HPSE2: variants seen among roughly 807,000 people sequenced by gnomAD.
HPSE2 encodes the protein heparanase 2 (inactive), also known as inactive heparanase-2.
In HPSE2, 38 loss-of-function variants were observed where a neutral mutation model predicts 60.5. The ratio of observed to expected loss-of-function variants is 0.63; its 90% CI spans 0.48 to 0.82. The LOEUF is 0.82. HPSE2 is among the 40% of genes least tolerant of loss of function. The pLI, the probability that HPSE2 is intolerant of heterozygous loss-of-function variation, is 0.00. For missense variants in HPSE2, 713 were observed against 740.4 expected, an observed-to-expected ratio of 0.96 and a Z score of 0.43; for synonymous variants, 295 against 293.2, an observed-to-expected ratio of 1.01 and a Z score of -0.06.
chr10:98,868,991 C>A (rs2134819611), intron 3 of HPSE2, among the ~76,000 whole-genome samples: 1 of 151,712 alleles, frequency 6.6e-6, no homozygotes, highest in South Asian at 2.1e-4. Context: ...TTGTGGTGCC[C>A]AATTGCATGT....
chr10:98,670,375 G>T (rs1255400055), intron 6 of HPSE2, among the ~76,000 whole-genome samples: 1 of 152,222 alleles, frequency 6.6e-6, no homozygotes, highest in Non-Finnish European at 1.5e-5. Context: ...GAATTTTGCT[G>T]ATCCAGGTTT....
At chr10:99,129,188 G>A (rs1845284178) in intron 3 of HPSE2, among the ~76,000 whole-genome samples, 1 of 152,034 alleles carries the variant, frequency 6.6e-6, no homozygotes, top group Non-Finnish European at 1.5e-5. Flanking sequence ...AATAATGGTG[G>A]GGGACTTCAA....
At chr10:98,980,958 T>A (rs1038458774) in intron 3 of HPSE2, among the ~76,000 whole-genome samples, 2 of 152,174 alleles carry the variant, frequency 1.3e-5, no homozygotes, top group Admixed American at 1.3e-4. Flanking sequence ...TATGATAAGA[T>A]ATTATAATAA....
intron 2 of HPSE2, among the ~76,000 whole-genome samples, chr10:99,191,364 T>C (rs1008951176): frequency 2.6e-5 from 4 of 151,548 alleles, no homozygotes; most frequent in Non-Finnish European, 5.9e-5. Flanking sequence ...GTGGTGAACA[T>C]AGTGGTGCTT....
the HPSE2 span, among the ~76,000 whole-genome samples, chr10:99,285,983 T>C: frequency 6.6e-6 from 1 of 152,152 alleles, no homozygotes; most frequent in Non-Finnish European, 1.5e-5. Flanking sequence ...TTCCAATCAT[T>C]AGTCATTAGG....
intron 3 of HPSE2, among the ~76,000 whole-genome samples, chr10:99,100,135 G>C (rs997602314): frequency 7.2e-5 from 11 of 152,228 alleles, no homozygotes; most frequent in Admixed American, 7.2e-4. Context: ...GAACAAAGCT[G>C]GGTGGAGAAT....
At chr10:99,081,918 G>C (rs1364425912) in intron 3 of HPSE2, among the ~76,000 whole-genome samples, 2 of 152,146 alleles carry the variant, frequency 1.3e-5, no homozygotes, top group Non-Finnish European at 1.5e-5. Flanking sequence ...TTACAGGCGT[G>C]AGCCACCCCG....
At chr10:99,231,752 G>A (rs896314025) in intron 2 of HPSE2, among the ~76,000 whole-genome samples, 2 of 152,060 alleles carry the variant, frequency 1.3e-5, no homozygotes, top group Non-Finnish European at 2.9e-5. Flanking sequence ...ACTAACTGTG[G>A]AGATTTCCAA....
chr10:99,214,362 T>C (rs929769457), intron 2 of HPSE2, among the ~76,000 whole-genome samples: 2 of 152,184 alleles, frequency 1.3e-5, no homozygotes, highest in South Asian at 2.1e-4. Flanking sequence ...TGGTATATAC[T>C]CAAGAGAAGG....
In HPSE2 at chr10:99,121,576, G is replaced by A. The variant is rs577192017; in HGVS notation, c.610+22662C>T. Among the ~76,000 whole-genome samples, 142 of 151,958 alleles carry A rather than the reference G, an allele frequency of 9.3e-4. 4 individuals carry two copies. In the South Asian group the frequency reaches 0.027, roughly 29 times the overall value. ...TGTAAAAAGACAGTTACCTTCACTCGCAGTCAATGAAATAAAATTACAAAC... is the reference window on the plus strand; with the variant it reads ...TGTAAAAAGACAGTTACCTTCACTCACAGTCAATGAAATAAAATTACAAAC... On this transcript the variant is annotated intron_variant, in intron 3 of 11. Coordinates refer to ENST00000370552, the MANE Select transcript of HPSE2 (RefSeq NM_021828.5).
intron 3 of HPSE2, among the ~76,000 whole-genome samples, chr10:98,950,761 A>G (rs1272492615): frequency 6.6e-6 from 1 of 152,194 alleles, no homozygotes; most frequent in African/African-American, 2.4e-5. Flanking sequence ...TTCCCATCTC[A>G]AATAACTCAT....
chr10:99,034,990 G>C (rs1957578561), intron 3 of HPSE2, among the ~76,000 whole-genome samples: 1 of 152,190 alleles, frequency 6.6e-6, no homozygotes, highest in African/African-American at 2.4e-5. Flanking sequence ...GAGTGTGTCA[G>C]TGAGTGAGTG....
intron 2 of HPSE2, among the ~76,000 whole-genome samples, chr10:99,203,552 G>A (rs1406506180): frequency 6.6e-6 from 1 of 150,838 alleles, no homozygotes; most frequent in African/African-American, 2.4e-5. Flanking sequence ...CCAGAATTCA[G>A]TACTGCTCAA....
intron 2 of HPSE2, among the ~76,000 whole-genome samples, chr10:99,224,420 GACACACAC>G (rs34148639): frequency 7.0e-6 from 1 of 143,590 alleles, no homozygotes; most frequent in African/African-American, 2.5e-5. Context: ...CTTTCTCTCT[GACACACAC>G]ACACACACAC....
rs145100650 is a variant in HPSE2, at chr10:98,685,577, T to C, written c.1004+8323A>G. On this transcript the variant is annotated intron_variant, in intron 6 of 11. Coordinates refer to ENST00000370552, the MANE Select transcript of HPSE2 (RefSeq NM_021828.5). ...TCATCCATGTTGTGGCACATATCAT[T>C]AGTTTATTTCTTTATCTTGCTGAGT... is the stretch of plus-strand genomic sequence containing the variant. Among the ~76,000 whole-genome samples, 324 of 152,342 alleles carry C rather than the reference T, an allele frequency of 2.1e-3. 3 individuals carry two copies. Among genetic ancestry groups the C allele is most frequent in the African/African-American group, 7.4e-3 (306 of 41,588 alleles).
At chr10:99,117,208 ATAAAT>A (rs1463518350) in intron 3 of HPSE2, among the ~76,000 whole-genome samples, 4 of 151,408 alleles carry the variant, frequency 2.6e-5, no homozygotes, top group Admixed American at 6.6e-5. Context: ...TAATTAATTA[ATAAAT>A]TAAATTAATC....
At chr10:98,801,479 CT>C (rs1950905805) in intron 3 of HPSE2, among the ~76,000 whole-genome samples, 1 of 151,890 alleles carries the variant, frequency 6.6e-6, no homozygotes. Flanking sequence ...CATCAAAAAA[CT>C]ATCTAAATGA....
chr10:98,543,076 G>C (rs1943530564), intron 9 of HPSE2, among the ~76,000 whole-genome samples: 1 of 152,136 alleles, frequency 6.6e-6, no homozygotes, highest in South Asian at 2.1e-4. Flanking sequence ...GGCAGCCAGA[G>C]AGAAAGGTCG....
At chr10:99,093,151 C>G (rs1315784116) in intron 3 of HPSE2, among the ~76,000 whole-genome samples, 1 of 151,912 alleles carries the variant, frequency 6.6e-6, no homozygotes, top group African/African-American at 2.4e-5. Flanking sequence ...TCACTTGAAC[C>G]CAGGAGGCAG....
Sources: allele counts gnomAD v4.1 joint callset (sites outside exome capture counted in the v4.1 genomes callset), GRCh38; gene constraint gnomAD v4.1.1; transcripts MANE v1.5; gene names NCBI Gene and HGNC (gene_info 2026-07-23, HGNC 2026-07-21).